Variants in ADGRF5 observed in about 807,000 individuals in gnomAD.
The protein encoded by ADGRF5 is G-protein coupled receptor 116.
A neutral mutation model predicts 132.3 loss-of-function variants in ADGRF5; 75 were observed. The ratio of observed to expected loss-of-function variants is 0.57; its 90% CI spans 0.47 to 0.69. The LOEUF (loss-of-function observed/expected upper bound fraction) is 0.69, where lower values mean the gene tolerates loss of function less well. ADGRF5 is among the 30% of genes least tolerant of loss of function. ADGRF5 has a pLI of 0.00. For synonymous variants in ADGRF5, 629 were observed against 597.6 expected, an observed-to-expected ratio of 1.05 and a Z score of -0.77; for missense variants, 1,516 against 1,630.6, an observed-to-expected ratio of 0.93 and a Z score of 1.21.
At chr6:46,926,233 C>T (rs1777234747), upstream of ADGRF5, among the ~76,000 whole-genome samples, 1 of 152,168 alleles carries the variant, frequency 6.6e-6, no homozygotes, top group Admixed American at 6.5e-5. Context: ...AGTGTTATTA[C>T]ACCTTCTTTG....
chr6:46,860,075 CAT>C (rs1769560237), intron 16 of ADGRF5, among the ~76,000 whole-genome samples: 3 of 152,148 alleles, frequency 2.0e-5, no homozygotes, highest in Admixed American at 1.3e-4. Context: ...CTCCTGAGCA[CAT>C]GTCTGGTTAT....
At chr6:46,944,669 T>C (rs1356473916) in intron 1 of ADGRF5, among the ~76,000 whole-genome samples, 2 of 152,186 alleles carry the variant, frequency 1.3e-5, no homozygotes, top group African/African-American at 4.8e-5. Context: ...AATATGTCAT[T>C]ACGGTTCTCT....
At chr6:46,854,119 C>T (rs745981189) in intron 20 of ADGRF5, 48 bp from the exon 21 acceptor site, 18 of 1,381,650 alleles carry the variant, frequency 1.3e-5, no homozygotes, top group Admixed American at 2.0e-5. Context: ...CCATCATGAA[C>T]TCTGGGGTGT....
At chr6:46,889,407 T>C (rs1302494766) in intron 3 of ADGRF5, among the ~76,000 whole-genome samples, 1 of 147,458 alleles carries the variant, frequency 6.8e-6, no homozygotes, top group Non-Finnish European at 1.5e-5. Context: ...GTATAGTATA[T>C]ATACTACATA....
Position 46,883,613 on chromosome 6 carries a change from G to T in ADGRF5, c.558C>A (p.Leu186=). The change falls in exon 6 of 21, where the codon CTC becomes CTA. Residue 186 remains leucine (L), a synonymous_variant. Coordinates refer to ENST00000283296, the MANE Select transcript of ADGRF5 (RefSeq NM_001098518.2). ...VRLNVGFQED[L]MNTSSALYRS... The stretch of plus-strand genomic sequence containing the variant: ...TATAGAGGGCGGAGGAAGTGTTCAT[G>T]AGGTCTTCTTGAAAGCCTACATTTA... 6.2e-7 allele frequency: 1 copy of T among 1,607,076 alleles called. No homozygotes were observed. Among genetic ancestry groups the T allele is most frequent in the East Asian group, 2.2e-5 (1 of 44,840 alleles).
chr6:46,881,735 C>T, intron 7 of ADGRF5, 138 bp from the exon 8 acceptor site: 2 of 690,508 alleles, frequency 2.9e-6, no homozygotes, highest in Admixed American at 5.6e-5. Flanking sequence ...GACTGGCCAG[C>T]AGGATCTTCT....
At chr6:46,889,020 AG>A (rs1562196427) in intron 3 of ADGRF5, among the ~76,000 whole-genome samples, 1 of 152,000 alleles carries the variant, frequency 6.6e-6, no homozygotes, top group Non-Finnish European at 1.5e-5. Context: ...GCTCAACAAA[AG>A]TTTGGCAAAT....
At position 46,858,578 on chromosome 6, in the gene ADGRF5, G is replaced by A. The variant is rs140532705; in HGVS notation, c.3325C>T (p.Leu1109Phe). The A allele has an allele frequency of 2.6e-4, 423 of 1,614,044 alleles. No homozygotes were observed. The highest frequency in any genetic ancestry group is 5.0e-4 in the Middle Eastern group (3 of 6,058). Residue 1109 changes from leucine (L) to phenylalanine (F), a missense_variant, in exon 17 of 21, where the codon CTC (leucine) becomes TTC (phenylalanine). This residue lies in a region of ADGRF5 where 571 missense variants were observed against 701.2 expected (regional missense o/e 0.81). Coordinates refer to ENST00000283296, the MANE Select transcript of ADGRF5 (RefSeq NM_001098518.2). The part of the protein sequence containing the change: ...SVFFWMLTLG[L>F]MLFYRLVFIL... ...AAAACCAGGCGATAGAACAGCATGA[G>A]GCCCAGTGTCAGCATCCAGAAGAAG...
rs1053972423 is a variant in ADGRF5, at chr6:46,858,222, G to A, written c.3681C>T (p.Leu1227=). The change falls in exon 17 of 21, where the codon CTC becomes CTT. Residue 1227 remains leucine, a synonymous_variant. Coordinates refer to ENST00000283296, the MANE Select transcript of ADGRF5 (RefSeq NM_001098518.2). The part of the protein sequence containing the change: ...ISKSIGVLTP[L]LGLTWGFGLT... Reference sequence around the variant, plus strand: ...GACCAAAACCCCAAGTGAGGCCCAAGAGTGGTGTGAGGACCCCAATGCTCT... The same window carrying A: ...GACCAAAACCCCAAGTGAGGCCCAAAAGTGGTGTGAGGACCCCAATGCTCT... The A allele has an allele frequency of 1.2e-5, 20 of 1,614,030 alleles. No individual in the cohort carries two copies. In the African/African-American group the frequency reaches 2.4e-4, roughly 19 times the overall value.
chr6:46,868,629 G>A (rs749212049), intron 12 of ADGRF5, among the ~76,000 whole-genome samples: 7 of 152,156 alleles, frequency 4.6e-5, no homozygotes, highest in Non-Finnish European at 8.8e-5. Flanking sequence ...CAAGGGTACA[G>A]GGTCTGGAAT....
intron 10 of ADGRF5, among the ~76,000 whole-genome samples, chr6:46,877,795 A>C (rs1771982392): frequency 6.6e-6 from 1 of 152,218 alleles, no homozygotes; most frequent in Non-Finnish European, 1.5e-5. Context: ...ACCAGACACC[A>C]GGAGAAGAGA....
rs760473042 is a variant in ADGRF5, at chr6:46,863,044, T to C, written c.2043A>G (p.Lys681=). 6.2e-7 allele frequency: 1 copy of C among 1,614,034 alleles called. No individual in the cohort carries two copies. Among genetic ancestry groups the C allele is most frequent in the East Asian group, 2.2e-5 (1 of 44,864 alleles). The change falls in exon 15 of 21, where the codon AAA becomes AAG. Residue 681 remains lysine, a synonymous_variant. Transcript: ENST00000283296. ...AGAACCGGCATAGCTTCTGGATGAC[T>C]TTCCCCGGCTCTCCGACACCTATTA... ...DPVIGVGEPG[K]VIQKLCRFSN...
chr6:46,942,759 A>T (rs1778142884), intron 1 of ADGRF5, among the ~76,000 whole-genome samples: 1 of 151,924 alleles, frequency 6.6e-6, no homozygotes. Flanking sequence ...TTATCTCTAG[A>T]CTGCTAATAT....
At chr6:46,915,126 G>A (rs546119230) in intron 1 of ADGRF5, among the ~76,000 whole-genome samples, 2 of 152,118 alleles carry the variant, frequency 1.3e-5, no homozygotes, top group East Asian at 3.9e-4. Flanking sequence ...AAAGTGCTGG[G>A]ATTATAGACG....
chr6:46,868,662 GGCTCTA>G (rs2150805347), intron 12 of ADGRF5, among the ~76,000 whole-genome samples: 1 of 152,234 alleles, frequency 6.6e-6, no homozygotes, highest in South Asian at 2.1e-4. Flanking sequence ...TTCCATTCCT[GGCTCTA>G]GAACTTAAGT....
chr6:46,916,022 C>T (rs935955717), intron 1 of ADGRF5, among the ~76,000 whole-genome samples: 2 of 152,144 alleles, frequency 1.3e-5, no homozygotes, highest in Non-Finnish European at 2.9e-5. Flanking sequence ...TCCTCATCAT[C>T]CTGCAGCTGC....
At position 46,858,283 on chromosome 6, in the gene ADGRF5, C is replaced by T. The variant is rs1179601754; in HGVS notation, c.3620G>A (p.Cys1207Tyr). The part of the protein sequence containing the change: ...ILRPSIGDKP[C>Y]KQEKSSLFQI... ...AAACAGGCTGCTCTTCTCCTGCTTGCATGGCTTGTCTCCAATGGAAGGCCT... is the reference window on the plus strand; with the variant it reads ...AAACAGGCTGCTCTTCTCCTGCTTGTATGGCTTGTCTCCAATGGAAGGCCT... Residue 1207 changes from cysteine (C) to tyrosine (Y), a missense_variant, in exon 17 of 21, where the codon TGC (cysteine) becomes TAC (tyrosine). By Grantham distance (194) the Cys-to-Tyr change is radical. Coordinates refer to ENST00000283296, the MANE Select transcript of ADGRF5 (RefSeq NM_001098518.2). 1 of 1,614,036 alleles carries T rather than the reference C, an allele frequency of 6.2e-7. No individual in the cohort carries two copies.
At chr6:46,927,854 A>C (rs1777334480) in intron 1 of ADGRF5, among the ~76,000 whole-genome samples, 1 of 152,150 alleles carries the variant, frequency 6.6e-6, no homozygotes, top group African/African-American at 2.4e-5. Context: ...CCACAAACAA[A>C]GCTTTGCCAT....
chr6:46,906,571 T>A lies in ADGRF5; in HGVS notation c.102+90A>T, dbSNP rs1775395548. The A allele has an allele frequency of 4.1e-6, 3 of 740,158 alleles. No individual in the cohort carries two copies. In the South Asian group the frequency reaches 4.9e-5, roughly 12 times the overall value. 45.8% of individuals were successfully genotyped at this position (740,158 alleles called of 1,614,324 possible). A position where few individuals can be genotyped will look rare whatever the true frequency, so the allele number is the denominator to read the frequency against. Reference sequence around the variant, plus strand: ...TGTTTTTTCTCCCCCTAAAGTTTTTTCTCCTTAAACTTTTTGTAAGAACCA... The same window carrying A: ...TGTTTTTTCTCCCCCTAAAGTTTTTACTCCTTAAACTTTTTGTAAGAACCA... On this transcript the variant is annotated intron_variant, in intron 2 of 20. Coordinates refer to ENST00000283296, the MANE Select transcript of ADGRF5 (RefSeq NM_001098518.2).
Sources: allele counts gnomAD v4.1 joint callset (sites outside exome capture counted in the v4.1 genomes callset), GRCh38; gene constraint gnomAD v4.1.1; regional missense constraint gnomAD v4.1.1; transcripts MANE v1.5; gene names NCBI Gene and HGNC (gene_info 2026-07-23, HGNC 2026-07-21).